COPE: variants seen among roughly 807,000 people sequenced by gnomAD.
COPE encodes coat protein complex I subunit epsilon.
In COPE, 19 loss-of-function variants were observed where a neutral mutation model predicts 42.1. The ratio of observed to expected loss-of-function variants is 0.45; its 90% CI spans 0.31 to 0.66. The LOEUF is 0.66. Among genes scored for constraint, COPE ranks in the 30% least tolerant of loss-of-function variants. The probability of loss-of-function intolerance (pLI) is 0.05; values close to 1 mark genes in which losing one functional copy is unlikely to be tolerated. For missense variants in COPE, 402 were observed against 416.1 expected (o/e 0.97, Z 0.30); for synonymous variants, 195 against 181.3 (o/e 1.08, Z -0.60).
rs1349059485 is a variant in COPE at position 18,899,953 on chromosome 19, GGGGAGGCA to G, written c.805-14_805-7del. The G allele has an allele frequency of 5.6e-6, 9 of 1,611,400 alleles. No individual in the cohort carries two copies. The highest frequency in any genetic ancestry group is 1.1e-5 in the South Asian group (1 of 90,818). ...GACAGGTATCGGTTTGTCACCTGCA[GGGGAGGCA>G]GGGAGGCAGGTGAGCCGAACACGGG... On this transcript the variant is annotated splice_polypyrimidine_tract_variant and splice_region_variant and intron_variant, in intron 8 of 9. Transcript: ENST00000262812.
chr19:18,902,698 A>AAAGG (rs1349542742), intron 7 of COPE, among the ~76,000 whole-genome samples: 1 of 60,950 alleles, frequency 1.6e-5, no homozygotes, highest in East Asian at 2.4e-4. Context: ...GAAAGGAAGG[A>AAAGG]AAGGAAGGAA....
Position 18,919,209 on chromosome 19 carries a change from CTGCG to C in COPE, c.126+10_126+13del, listed in dbSNP as rs752521751. The C allele has an allele frequency of 1.1e-5, 17 of 1,605,258 alleles. No homozygotes were observed. The highest frequency in any genetic ancestry group is 1.3e-5 in the African/African-American group (1 of 74,730). ...CTCCGCCCCCAGCGTCCCCGCGCCC[CTGCG>C]CGGCCGCACCTTCACCCGCTGCGCC... On this transcript the variant is annotated intron_variant, in intron 1 of 9. Coordinates refer to ENST00000262812, the MANE Select transcript of COPE (RefSeq NM_007263.4).
At chr19:18,900,121 C>T in intron 8 of COPE, 174 bp from the exon 9 acceptor site, 1 of 621,584 alleles carries the variant, frequency 1.6e-6, no homozygotes, top group South Asian at 2.0e-5. Flanking sequence ...GAGGGATGGG[C>T]CTGCCCCCTG....
In COPE at chr19:18,902,799, AGG is replaced by A. The variant is rs1165558226; in HGVS notation, c.735+467_735+468del. Among the ~76,000 whole-genome samples the A allele has an allele frequency of 7.1e-5, 8 of 113,020 alleles. 2 individuals are homozygous for A. The highest frequency in any genetic ancestry group is 3.4e-4 in the Admixed American group (4 of 11,680). The allele number at this position is 113,020 out of a possible 152,430, so 74.1% of individuals were successfully genotyped here. On this transcript the variant is annotated intron_variant, in intron 7 of 9. Transcript: ENST00000262812. ...AAGGAAGGAAGGAAGGAAGGAAGGA[AGG>A]AAGGAAGGAAGGAAGGAAGGAAGGA...
chr19:18,911,006 G>A lies in COPE; in HGVS notation c.255C>T (p.Arg85=), dbSNP rs1008934455. 6.2e-7 allele frequency: 1 copy of A among 1,613,910 alleles called. No individual in the cohort carries two copies. Among genetic ancestry groups the A allele is most frequent in the African/African-American group, 1.3e-5 (1 of 74,944 alleles). The change falls in exon 3 of 10, where the codon CGC becomes CGT. Residue 85 remains arginine (R), a synonymous_variant. Coordinates refer to ENST00000262812, the MANE Select transcript of COPE (RefSeq NM_007263.4). ...CGTGGGCGAGGTAGTCAGCAAACATGCGCACGGCCTGGAGCTCAGGGGCCG... is the reference window on the plus strand; with the variant it reads ...CGTGGGCGAGGTAGTCAGCAAACATACGCACGGCCTGGAGCTCAGGGGCCG... ...PSSAPELQAV[R]MFADYLAHES...
At chr19:18,912,323 T>C (rs2056818036) in intron 2 of COPE, among the ~76,000 whole-genome samples, 1 of 151,822 alleles carries the variant, frequency 6.6e-6, no homozygotes, top group African/African-American at 2.4e-5. Context: ...ATTTTTTAAT[T>C]TTTTTTTGTA....
At chr19:18,906,920 T>C in intron 4 of COPE, 40 bp downstream of exon 4, 1 of 1,526,866 alleles carries the variant, frequency 6.5e-7, no homozygotes, top group Non-Finnish European at 8.8e-7. Flanking sequence ...AGGGGGCACT[T>C]GCCTCCCTGG....
At position 18,900,421 on chromosome 19, in the gene COPE, T is replaced by C. The variant is rs2056687299; in HGVS notation, c.764A>G (p.Asn255Ser). The C allele has an allele frequency of 6.5e-7, 1 of 1,548,784 alleles. No homozygotes were observed. Among genetic ancestry groups the C allele is most frequent in the Non-Finnish European group, 8.7e-7 (1 of 1,145,826 alleles). Residue 255 changes from asparagine (N) to serine (S), a missense_variant, in exon 8 of 10, where the codon AAC becomes AGC. Asn to Ser is a conservative substitution (Grantham distance 46). Coordinates refer to ENST00000262812, the MANE Select transcript of COPE (RefSeq NM_007263.4). The part of the protein sequence containing the change: ...KDSGYPETLV[N>S]LIVLSQHLGK... Reference sequence around the variant, plus strand: ...CAGGTGCTGGGACAGGACGATGAGGTTGACCAGCGTCTCTGGGTAGCCACT... The same window carrying C: ...CAGGTGCTGGGACAGGACGATGAGGCTGACCAGCGTCTCTGGGTAGCCACT...
Position 18,912,135 on chromosome 19 carries a change from C to A in COPE, c.189+849G>T, listed in dbSNP as rs545851265. On this transcript the variant is annotated intron_variant, in intron 2 of 9. Transcript: ENST00000262812. ...GTGCTGGGATTACAGGCGTGAACCA[C>A]CGGGCCCAGCCCCCATTCTTATTTT... Among the ~76,000 whole-genome samples, 5 of 152,214 alleles carry A rather than the reference C, an allele frequency of 3.3e-5. No homozygotes were observed. The South Asian group carries it at 1.0e-3, about 32-fold the overall frequency.
chr19:18,904,840 C>A lies in COPE; in HGVS notation c.510G>T (p.Lys170Asn). The change falls in exon 6 of 10, where the codon AAG becomes AAT. Residue 170 changes from lysine (K) to asparagine (N), a missense_variant. By Grantham distance (94) the Lys-to-Asn change is moderately conservative (BLOSUM62 0). Coordinates refer to ENST00000262812, the MANE Select transcript of COPE (RefSeq NM_007263.4). ...DRLDLARKELKRMQDLDEDAT... is the reference protein window; with the variant it reads ...DRLDLARKELNRMQDLDEDAT... ...CATCCTCGTCCAGGTCCTGCATTCT[C>A]TTCAGCTCCTTCCTGGGGCGGGGAC... 1 of 1,554,392 alleles carries A rather than the reference C, an allele frequency of 6.4e-7. No individual in the cohort carries two copies. Among genetic ancestry groups the A allele is most frequent in the South Asian group, 1.2e-5 (1 of 84,194 alleles).
intron 6 of COPE, among the ~76,000 whole-genome samples, chr19:18,904,203 G>C (rs1486850071): frequency 3.9e-5 from 6 of 152,254 alleles, no homozygotes. Flanking sequence ...AACCTCACAT[G>C]ATCCACCCGC....
At chr19:18,908,465 C>T (rs935627134) in intron 3 of COPE, among the ~76,000 whole-genome samples, 1 of 151,618 alleles carries the variant, frequency 6.6e-6, no homozygotes, top group African/African-American at 2.4e-5. Flanking sequence ...CTGGGCGGAT[C>T]GCTTGAGCCC....
chr19:18,913,002 A>G lies in COPE; in HGVS notation c.171T>C (p.Tyr57=), dbSNP rs1339147192. The change falls in exon 2 of 10, where the codon TAT becomes TAC. Residue 57 remains tyrosine (Y), a synonymous_variant. Transcript: ENST00000262812. ...ERDVERDVFL[Y]RAYLAQRKFG... is the part of the protein sequence containing the mutation. Reference sequence around the variant, plus strand: ...CACTCACCTGCGCCAGGTACGCTCTATACAGGAAGACGTCCCTCTCCACGT... The same window carrying G: ...CACTCACCTGCGCCAGGTACGCTCTGTACAGGAAGACGTCCCTCTCCACGT... 1 of 1,611,900 alleles carries G rather than the reference A, an allele frequency of 6.2e-7. No homozygotes were observed. The highest frequency in any genetic ancestry group is 1.3e-5 in the African/African-American group (1 of 74,906).
In COPE at chr19:18,915,761, G is replaced by A. The variant is rs569282101; in HGVS notation, c.127-2715C>T. 3.3e-5 allele frequency among the ~76,000 whole-genome samples: 5 copies of A among 152,354 alleles called. No individual in the cohort carries two copies. In the South Asian group the frequency reaches 1.0e-3, roughly 32 times the overall value. ...GTAGTAACTCCTCCCTTCTGTCCCT[G>A]TAGCCAGTGATCTGACCGCACTGGG... On this transcript the variant is annotated intron_variant, in intron 1 of 9. Coordinates refer to ENST00000262812, the MANE Select transcript of COPE (RefSeq NM_007263.4).
intron 3 of COPE, among the ~76,000 whole-genome samples, chr19:18,907,995 G>A (rs1365615686): frequency 6.6e-6 from 1 of 152,224 alleles, no homozygotes; most frequent in Non-Finnish European, 1.5e-5. Flanking sequence ...GAGGGACCAT[G>A]TTACAGGGAT....
Position 18,905,528 on chromosome 19 carries a change from G to T in COPE, c.497+48C>A, listed in dbSNP as rs749950223. On this transcript the variant is annotated intron_variant, in intron 5 of 9. Coordinates refer to ENST00000262812, the MANE Select transcript of COPE (RefSeq NM_007263.4). Reference sequence around the variant, plus strand: ...GGGCTGTGACGCTCTGGGCTGTGACGCTCTGGGCTGTGGCTCAGTGCGGGT... The same window carrying T: ...GGGCTGTGACGCTCTGGGCTGTGACTCTCTGGGCTGTGGCTCAGTGCGGGT... 24 of 1,513,924 alleles carry T rather than the reference G, an allele frequency of 1.6e-5. No homozygotes were observed. In the African/African-American group the frequency reaches 2.7e-4, roughly 17 times the overall value. 93.8% of individuals were successfully genotyped at this position (1,513,924 alleles called of 1,614,324 possible). A position where few individuals can be genotyped will look rare whatever the true frequency, so the allele number is the denominator to read the frequency against.
At chr19:18,918,907 C>T (rs1274483717) in intron 1 of COPE, among the ~76,000 whole-genome samples, 3 of 152,216 alleles carry the variant, frequency 2.0e-5, no homozygotes, top group Admixed American at 2.0e-4. Context: ...AAGCAACAGT[C>T]TCCATCTCAC....
chr19:18,910,943 C>G (rs1185785201), intron 3 of COPE, 28 bp downstream of exon 3: 2 of 1,607,548 alleles, frequency 1.2e-6, no homozygotes, highest in Non-Finnish European at 8.5e-7. Flanking sequence ...CCCCGCGCCT[C>G]AGGCCAACCC....
At chr19:18,904,705 G>A (rs2146104163) in intron 6 of COPE, 66 bp downstream of exon 6, 1 of 1,399,350 alleles carries the variant, frequency 7.1e-7, no homozygotes. Flanking sequence ...CACAGGTGGG[G>A]GTGCCCACAG....
Sources: gnomAD v4.1 joint callset for allele counts (sites outside exome capture counted in the v4.1 genomes callset) on GRCh38, gnomAD v4.1.1 for gene constraint, MANE v1.5 for transcripts, NCBI Gene and HGNC (gene_info 2026-07-23, HGNC 2026-07-21) for gene names.